Variants in RAG1 observed in about 807,000 individuals in gnomAD.
The protein encoded by RAG1 is recombination activating 1, also known as V(D)J recombination-activating protein 1.
Under a neutral mutation model 62.7 loss-of-function variants are expected in RAG1, and 35 were observed. The ratio of observed to expected loss-of-function variants is 0.56; its 90% CI spans 0.43 to 0.74. The LOEUF (loss-of-function observed/expected upper bound fraction) is 0.74. RAG1 is among the 30% of genes least tolerant of loss of function. RAG1 has a pLI of 0.00. For missense variants in RAG1, 1,169 were observed against 1,278.6 expected (o/e 0.91, Z 1.31); for synonymous variants, 461 against 470.3 (o/e 0.98, Z 0.26).
At chr11:36,542,298 G>A (rs1263510744) in intron 3 of RAG1, among the ~76,000 whole-genome samples, 2 of 152,098 alleles carry the variant, frequency 1.3e-5, no homozygotes, top group South Asian at 2.1e-4. Context: ...AATACATAAC[G>A]CTGCAGGTGA....
chr11:36,541,772 T>A (rs1434885417), intron 3 of RAG1, among the ~76,000 whole-genome samples: 3 of 152,162 alleles, frequency 2.0e-5, no homozygotes, highest in Non-Finnish European at 4.4e-5. Flanking sequence ...CGTCTGTTCT[T>A]AATCAGCCTT....
At chr11:36,543,871 C>T (rs1172338114) in intron 3 of RAG1, among the ~76,000 whole-genome samples, 1 of 152,132 alleles carries the variant, frequency 6.6e-6, no homozygotes, top group Non-Finnish European at 1.5e-5. Context: ...ATTCATTTCT[C>T]TGGGATAAAT....
At chr11:36,520,849 C>G (rs1346913654) in intron 2 of RAG1, among the ~76,000 whole-genome samples, 1 of 152,056 alleles carries the variant, frequency 6.6e-6, no homozygotes, top group Non-Finnish European at 1.5e-5. Flanking sequence ...TCCTACTTCC[C>G]TTTCTCCAGT....
downstream of RAG1, among the ~76,000 whole-genome samples, chr11:36,538,978 TTC>T (rs1166081354): frequency 1.3e-5 from 2 of 152,166 alleles, no homozygotes; most frequent in African/African-American, 2.4e-5. Flanking sequence ...AGTCTTTTTC[TTC>T]TGTTTTTCTT....
upstream of RAG1, among the ~76,000 whole-genome samples, chr11:36,564,542 C>A (rs550496156): frequency 1.4e-4 from 22 of 152,264 alleles, no homozygotes; most frequent in African/African-American, 5.1e-4. Flanking sequence ...ATAGGCTTTT[C>A]TTTGCCCACA....
intron 3 of RAG1, among the ~76,000 whole-genome samples, chr11:36,542,107 A>G (rs776646406): frequency 6.6e-6 from 1 of 152,052 alleles, no homozygotes; most frequent in Admixed American, 6.6e-5. Context: ...CTCTGAGTTC[A>G]TTGTTAGGGT....
chr11:36,578,192 G>A lies in RAG1; in HGVS notation c.*1756G>A, dbSNP rs559563608. 1 of 167,024 alleles carries A rather than the reference G, an allele frequency of 6.0e-6. No homozygotes were observed. The highest frequency in any genetic ancestry group is 2.4e-5 in the African/African-American group (1 of 41,442). 10.3% of individuals were successfully genotyped at this position (167,024 alleles called of 1,614,324 possible). A position where few individuals can be genotyped will look rare whatever the true frequency, so the allele number is the denominator to read the frequency against. ...GCTTGATAATTTAGTTGTCAAAAGT[G>A]CATCGGCGACATTATCTTTAATTGT... On this transcript the variant is annotated 3_prime_UTR_variant, in exon 2 of 2. Transcript: ENST00000299440.
chr11:36,535,124 T>C (rs1048520157), intron 2 of RAG1, among the ~76,000 whole-genome samples: 1 of 152,232 alleles, frequency 6.6e-6, no homozygotes, highest in Non-Finnish European at 1.5e-5. Context: ...TTCCATGGAT[T>C]CCTGAAAGAA....
chr11:36,569,346 G>C (rs1219217108), intron 1 of RAG1, among the ~76,000 whole-genome samples: 7 of 152,236 alleles, frequency 4.6e-5, no homozygotes, highest in Non-Finnish European at 1.0e-4. Context: ...CAACCACTCA[G>C]CCTTTGAGAT....
intron 1 of RAG1, among the ~76,000 whole-genome samples, chr11:36,516,910 A>G (rs1860004266): frequency 6.6e-6 from 1 of 152,202 alleles, no homozygotes; most frequent in African/African-American, 2.4e-5. Flanking sequence ...CCAAAAACGT[A>G]TATTTAAGCT....
chr11:36,567,152 G>A (rs1479157057), upstream of RAG1, among the ~76,000 whole-genome samples: 1 of 152,182 alleles, frequency 6.6e-6, no homozygotes, highest in Non-Finnish European at 1.5e-5. Context: ...AGGAACATGA[G>A]CTTTGGAATT....
rs374441814 is a variant in RAG1 at position 36,528,175 on chromosome 11, A to T, written n.429-7784A>T. Among the ~76,000 whole-genome samples the T allele has an allele frequency of 6.6e-5, 10 of 152,158 alleles. 1 individual carries two copies. In the East Asian group the frequency reaches 1.9e-3, roughly 29 times the overall value. ...ACATCTACAGAACTCTCCACCCCAA[A>T]TCAACAGAATATACATTCTTCTCAG... On this transcript the variant is annotated intron_variant and non_coding_transcript_variant, in intron 2 of 2. Coordinates refer to the RAG1 transcript ENST00000529126.
At chr11:36,536,845 G>A (rs980174299), downstream of RAG1, among the ~76,000 whole-genome samples, 6 of 150,914 alleles carry the variant, frequency 4.0e-5, no homozygotes, top group Admixed American at 6.6e-5. Flanking sequence ...TGCAAGCTCC[G>A]CCTCCCGGGT....
At chr11:36,517,031 C>CGCA (rs1457575289) in intron 1 of RAG1, among the ~76,000 whole-genome samples, 1 of 152,128 alleles carries the variant, frequency 6.6e-6, no homozygotes, top group Non-Finnish European at 1.5e-5. Flanking sequence ...TGGAGGCTCT[C>CGCA]GCAGCAGCAG....
intron 3 of RAG1, among the ~76,000 whole-genome samples, chr11:36,545,484 C>A (rs1850379137): frequency 6.6e-6 from 1 of 152,094 alleles, no homozygotes; most frequent in Non-Finnish European, 1.5e-5. Flanking sequence ...AGAGGTCTCA[C>A]CAGAAACCAA....
At chr11:36,529,528 G>T (rs1261262394) in intron 2 of RAG1, among the ~76,000 whole-genome samples, 2 of 152,098 alleles carry the variant, frequency 1.3e-5, no homozygotes, top group Non-Finnish European at 2.9e-5. Flanking sequence ...CAAACTCACA[G>T]CCAATATCAT....
intron 1 of RAG1, among the ~76,000 whole-genome samples, chr11:36,511,465 GAACA>G (rs897843683): frequency 3.3e-5 from 5 of 152,044 alleles, no homozygotes; most frequent in South Asian, 2.1e-4. Context: ...AGGAACAAAC[GAACA>G]AACAAATAAA....
At chr11:36,514,936 A>G (rs1859976195) in intron 1 of RAG1, among the ~76,000 whole-genome samples, 1 of 152,222 alleles carries the variant, frequency 6.6e-6, no homozygotes, top group African/African-American at 2.4e-5. Context: ...ACCTATTGCA[A>G]AGGCCCTAAA....
At chr11:36,510,378 G>A (rs903432093), upstream of RAG1, 3 of 152,382 alleles carry the variant, frequency 2.0e-5, no homozygotes, top group East Asian at 1.9e-4. Flanking sequence ...CTGTGGCGCG[G>A]GCCGGGCGGC....
Sources: gnomAD v4.1 joint callset for allele counts (sites outside exome capture counted in the v4.1 genomes callset) on GRCh38, gnomAD v4.1.1 for gene constraint, MANE v1.5 for transcripts, NCBI Gene and HGNC (gene_info 2026-07-23, HGNC 2026-07-21) for gene names.